Variants in HPSE2 observed in about 807,000 individuals in gnomAD.
HPSE2 encodes heparanase 2 (inactive).
A neutral mutation model predicts 60.5 loss-of-function variants in HPSE2; 38 were observed. The observed-to-expected ratio is 0.63, with a 90% confidence interval of 0.48 to 0.82. HPSE2 has a LOEUF of 0.82. Among genes scored for constraint, HPSE2 ranks in the 40% least tolerant of loss-of-function variants. HPSE2 has a pLI of 0.00. For synonymous variants in HPSE2, 295 were observed against 293.2 expected (o/e 1.01, Z -0.06); for missense variants, 713 against 740.4 (o/e 0.96, Z 0.43).
chr10:98,912,492 C>T (rs1267037809), intron 3 of HPSE2, among the ~76,000 whole-genome samples: 2 of 152,212 alleles, frequency 1.3e-5, no homozygotes, highest in African/African-American at 4.8e-5. Context: ...TATCTGCACT[C>T]CCATGCCTGT....
At chr10:99,051,081 A>G (rs1207286961) in intron 3 of HPSE2, among the ~76,000 whole-genome samples, 3 of 152,114 alleles carry the variant, frequency 2.0e-5, no homozygotes, top group Non-Finnish European at 2.9e-5. Context: ...AAAAAAATAT[A>G]TATCACTGGT....
chr10:99,233,670 G>T (rs1460365313), intron 1 of HPSE2, among the ~76,000 whole-genome samples: 4 of 152,174 alleles, frequency 2.6e-5, no homozygotes, highest in Non-Finnish European at 5.9e-5. Flanking sequence ...ATACGAGAAA[G>T]AAAAAACAGA....
chr10:98,673,923 G>T (rs1342448825), intron 6 of HPSE2, among the ~76,000 whole-genome samples: 2 of 152,132 alleles, frequency 1.3e-5, no homozygotes, highest in Non-Finnish European at 2.9e-5. Flanking sequence ...TGTCTTGCTA[G>T]AGAAGTACTT....
chr10:99,216,788 A>T (rs1849145372), intron 2 of HPSE2, among the ~76,000 whole-genome samples: 1 of 152,204 alleles, frequency 6.6e-6, no homozygotes, highest in Admixed American at 6.5e-5. Flanking sequence ...TGAACATGTA[A>T]CTGTGAAAAT....
intron 3 of HPSE2, among the ~76,000 whole-genome samples, chr10:98,841,809 T>A (rs1291479791): frequency 7.8e-6 from 1 of 128,182 alleles, no homozygotes; most frequent in Admixed American, 7.9e-5. Context: ...TTCCTTGTAA[T>A]TTTTTTTTTT....
intron 7 of HPSE2, among the ~76,000 whole-genome samples, chr10:98,635,834 A>G (rs1946484771): frequency 6.6e-6 from 1 of 151,968 alleles, no homozygotes; most frequent in Non-Finnish European, 1.5e-5. Context: ...TTTGCGGAAT[A>G]CTATTGAGCC....
At chr10:98,506,061 C>T (rs1942189504) in intron 9 of HPSE2, among the ~76,000 whole-genome samples, 2 of 152,004 alleles carry the variant, frequency 1.3e-5, no homozygotes, top group South Asian at 4.2e-4. Flanking sequence ...TTTGGAATTG[C>T]ATAGAATTTA....
intron 6 of HPSE2, among the ~76,000 whole-genome samples, chr10:98,657,090 T>G (rs770243337): frequency 2.0e-4 from 30 of 151,754 alleles, no homozygotes; most frequent in Non-Finnish European, 3.7e-4. Context: ...AGTACTAATT[T>G]TCTCATCACT....
intron 3 of HPSE2, among the ~76,000 whole-genome samples, chr10:99,042,621 T>C (rs944670876): frequency 6.6e-6 from 1 of 151,876 alleles, no homozygotes; most frequent in East Asian, 2.0e-4. Context: ...GGCTGGCTTG[T>C]GGACTGCCGT....
chr10:98,986,038 T>C lies in HPSE2; in HGVS notation c.610+158200A>G, dbSNP rs145381110. Reference sequence around the variant, plus strand: ...ACAGACTTAGACTCCCACACAATAATAATGGGAGACTTTAACACCCCACTG... The same window carrying C: ...ACAGACTTAGACTCCCACACAATAACAATGGGAGACTTTAACACCCCACTG... On this transcript the variant is annotated intron_variant, in intron 3 of 11. Coordinates refer to ENST00000370552, the MANE Select transcript of HPSE2 (RefSeq NM_021828.5). Among the ~76,000 whole-genome samples, 962 of 152,186 alleles carry C rather than the reference T, an allele frequency of 6.3e-3. 8 individuals carry two copies. The highest frequency in any genetic ancestry group is 0.022 in the African/African-American group (900 of 41,502).
chr10:99,010,568 G>A (rs1320855110), intron 3 of HPSE2, among the ~76,000 whole-genome samples: 1 of 152,152 alleles, frequency 6.6e-6, no homozygotes, highest in Non-Finnish European at 1.5e-5. Context: ...AGATGACTGG[G>A]CAACTTCATG....
At chr10:98,673,861 T>C (rs1947568082) in intron 6 of HPSE2, among the ~76,000 whole-genome samples, 1 of 152,182 alleles carries the variant, frequency 6.6e-6, no homozygotes, top group Admixed American at 6.5e-5. Context: ...CAAGTTATCC[T>C]CTCTCTCTAA....
chr10:98,848,459 G>T lies in HPSE2; in HGVS notation c.611-104403C>A, dbSNP rs186167417. ...AAAAATAAGGTCAAAGAGCAGCAAGGTTAGAGAAAAAGAGGAAATCAGATC... is the reference window on the plus strand; with the variant it reads ...AAAAATAAGGTCAAAGAGCAGCAAGTTTAGAGAAAAAGAGGAAATCAGATC... On this transcript the variant is annotated intron_variant, in intron 3 of 11. Transcript: ENST00000370552. 2.0e-5 allele frequency among the ~76,000 whole-genome samples: 3 copies of T among 151,892 alleles called. No individual in the cohort carries two copies. The East Asian group carries it at 5.8e-4, about 29-fold the overall frequency.
chr10:99,030,346 C>T (rs1480468207), intron 3 of HPSE2, among the ~76,000 whole-genome samples: 1 of 152,152 alleles, frequency 6.6e-6, no homozygotes, highest in Non-Finnish European at 1.5e-5. Flanking sequence ...TTTGAACAGA[C>T]ATTTCTGAAA....
At position 98,670,482 on chromosome 10, in the gene HPSE2, T is replaced by C. The variant is rs541262367; in HGVS notation, c.1004+23418A>G. The stretch of plus-strand genomic sequence containing the variant: ...CATTTATATTGTTACTAATTGAGCA[T>C]CCATAATCTGAAAATTCAAGATCTG... On this transcript the variant is annotated intron_variant, in intron 6 of 11. Coordinates refer to ENST00000370552, the MANE Select transcript of HPSE2 (RefSeq NM_021828.5). Among the ~76,000 whole-genome samples, 6 of 152,294 alleles carry C rather than the reference T, an allele frequency of 3.9e-5. No individual in the cohort carries two copies. In the East Asian group the frequency reaches 1.2e-3, roughly 29 times the overall value.
chr10:98,768,952 CAGG>C (rs1370130596), intron 3 of HPSE2, among the ~76,000 whole-genome samples: 1 of 152,076 alleles, frequency 6.6e-6, no homozygotes, highest in Non-Finnish European at 1.5e-5. Context: ...CAGACCGAAG[CAGG>C]AGAATTGCTT....
chr10:99,120,003 C>G (rs567162963), intron 3 of HPSE2, among the ~76,000 whole-genome samples: 1 of 152,242 alleles, frequency 6.6e-6, no homozygotes, highest in African/African-American at 2.4e-5. Flanking sequence ...GGAAGATAAC[C>G]TAGGCAGTAC....
chr10:99,259,197 T>C, the HPSE2 span, among the ~76,000 whole-genome samples: 2 of 151,622 alleles, frequency 1.3e-5, no homozygotes, highest in Non-Finnish European at 2.9e-5. Flanking sequence ...TCCCAGCTAC[T>C]TGGGAGGCTG....
At chr10:98,636,813 A>C (rs1422064964) in intron 7 of HPSE2, among the ~76,000 whole-genome samples, 1 of 152,222 alleles carries the variant, frequency 6.6e-6, no homozygotes, top group Non-Finnish European at 1.5e-5. Flanking sequence ...ACTGAAAATA[A>C]TATCAAAAAG....
Sources: gnomAD v4.1 joint callset for allele counts (sites outside exome capture counted in the v4.1 genomes callset) on GRCh38, gnomAD v4.1.1 for gene constraint, MANE v1.5 for transcripts, NCBI Gene and HGNC (gene_info 2026-07-23, HGNC 2026-07-21) for gene names.